KCNMA1: variants seen among roughly 807,000 people sequenced by gnomAD.
KCNMA1 encodes Calcium-activated potassium channel subunit alpha-1.
A neutral mutation model predicts 140.0 loss-of-function variants in KCNMA1; 29 were observed. The ratio of observed to expected loss-of-function variants is 0.21; its 90% CI spans 0.15 to 0.28. The LOEUF (loss-of-function observed/expected upper bound fraction) is 0.28. Among genes scored for constraint, KCNMA1 ranks in the 10% least tolerant of loss-of-function variants. The pLI is 1.00. For missense variants in KCNMA1, 880 were observed against 1,602.2 expected (o/e 0.55, Z 7.70); for synonymous variants, 612 against 611.9 (o/e 1.00, Z 0.00).
At chr10:76,931,766 T>C (rs1248791346) in intron 23 of KCNMA1, among the ~76,000 whole-genome samples, 2 of 152,118 alleles carry the variant, frequency 1.3e-5, no homozygotes, top group Non-Finnish European at 2.9e-5. Context: ...CCATGCTCAC[T>C]GTTCATCTGC....
intron 1 of KCNMA1, among the ~76,000 whole-genome samples, chr10:77,446,963 A>C (rs1329406001): frequency 6.6e-6 from 1 of 152,226 alleles, no homozygotes; most frequent in Non-Finnish European, 1.5e-5. Flanking sequence ...CTTCAGGGTC[A>C]GGTCAAACTC....
intron 20 of KCNMA1, among the ~76,000 whole-genome samples, chr10:76,961,058 A>T (rs1314832539): frequency 6.6e-6 from 1 of 151,838 alleles, no homozygotes; most frequent in Non-Finnish European, 1.5e-5. Flanking sequence ...TTATTACTTA[A>T]GAAATATATT....
intron 1 of KCNMA1, among the ~76,000 whole-genome samples, chr10:77,439,164 A>AAGAGAAAAGAGAAGAG (rs1566859432): frequency 3.4e-5 from 4 of 117,416 alleles, no homozygotes; most frequent in Non-Finnish European, 7.5e-5. Context: ...GAAGAGAAGA[A>AAGAGAAAAGAGAAGAG]AAGAAAAGAG....
intron 1 of KCNMA1, among the ~76,000 whole-genome samples, chr10:77,529,620 C>T (rs182523806): frequency 2.0e-5 from 3 of 152,200 alleles, no homozygotes; most frequent in Non-Finnish European, 4.4e-5. Flanking sequence ...AAACTACAGA[C>T]TATTATCTAG....
At chr10:77,469,043 G>A (rs2098095455) in intron 1 of KCNMA1, among the ~76,000 whole-genome samples, 1 of 152,142 alleles carries the variant, frequency 6.6e-6, no homozygotes, top group Non-Finnish European at 1.5e-5. Context: ...TTCGCCCCAA[G>A]CACCTTAAGG....
At chr10:77,002,173 G>A (rs1250144591) in intron 18 of KCNMA1, among the ~76,000 whole-genome samples, 1 of 152,200 alleles carries the variant, frequency 6.6e-6, no homozygotes, top group Non-Finnish European at 1.5e-5. Context: ...CTTCCCGAGA[G>A]TGAGTTTATA....
intron 10 of KCNMA1, among the ~76,000 whole-genome samples, chr10:77,089,964 C>T (rs1207438029): frequency 6.6e-6 from 1 of 152,190 alleles, no homozygotes; most frequent in Non-Finnish European, 1.5e-5. Flanking sequence ...CTATTACCTT[C>T]TGTCCTGCTT....
At chr10:77,519,452 T>C (rs182793221) in intron 1 of KCNMA1, among the ~76,000 whole-genome samples, 1 of 152,318 alleles carries the variant, frequency 6.6e-6, no homozygotes, top group Non-Finnish European at 1.5e-5. Context: ...ATAAAAGGCG[T>C]AGGACCCACG....
chr10:77,410,672 G>A lies in KCNMA1; in HGVS notation c.379-6649C>T, dbSNP rs2096598527. On this transcript the variant is annotated intron_variant, in intron 1 of 27. Transcript: ENST00000286628. ...TCTTCACACCCAATCAGCCCCACTC[G>A]TGCCTGTCATCCTGCGAGTCTGCCG... 2.6e-5 allele frequency among the ~76,000 whole-genome samples: 4 copies of A among 152,162 alleles called. No individual in the cohort carries two copies. The South Asian group carries it at 8.3e-4, about 32-fold the overall frequency.
intron 27 of KCNMA1, 72 bp downstream of exon 27, chr10:76,889,379 C>G: frequency 9.8e-7 from 1 of 1,022,674 alleles, no homozygotes. Context: ...TTTGCCTTTA[C>G]AGTAGGGGAC....
intron 3 of KCNMA1, among the ~76,000 whole-genome samples, chr10:77,216,235 G>A (rs962148388): frequency 7.2e-5 from 11 of 152,066 alleles, no homozygotes; most frequent in Admixed American, 2.0e-4. Context: ...GGTTTCTTTC[G>A]GGGGTGTTGA....
At chr10:77,501,806 A>T (rs1035387596) in intron 1 of KCNMA1, among the ~76,000 whole-genome samples, 1 of 152,218 alleles carries the variant, frequency 6.6e-6, no homozygotes, top group African/African-American at 2.4e-5. Flanking sequence ...TGGGCCACAG[A>T]ACAAATTCTC....
intron 2 of KCNMA1, among the ~76,000 whole-genome samples, chr10:77,333,550 T>A (rs1005252388): frequency 3.1e-4 from 47 of 152,228 alleles, no homozygotes; most frequent in African/African-American, 1.1e-3. Flanking sequence ...AAATAACATT[T>A]GTGCCTAAAT....
chr10:77,407,232 G>C (rs117307233), intron 1 of KCNMA1, among the ~76,000 whole-genome samples: 1 of 152,092 alleles, frequency 6.6e-6, no homozygotes. Context: ...GATGCCAGCC[G>C]GCCAGACTAG....
At chr10:77,366,962 G>C (rs1196032391) in intron 2 of KCNMA1, among the ~76,000 whole-genome samples, 2 of 152,204 alleles carry the variant, frequency 1.3e-5, no homozygotes, top group African/African-American at 4.8e-5. Flanking sequence ...TATTTGCCAT[G>C]ATGCTGGTCA....
intron 1 of KCNMA1, among the ~76,000 whole-genome samples, chr10:77,503,943 A>G (rs1203878988): frequency 6.6e-6 from 1 of 152,098 alleles, no homozygotes; most frequent in Non-Finnish European, 1.5e-5. Context: ...GCACTGAGGG[A>G]GGGAACATGT....
At position 77,420,847 on chromosome 10, in the gene KCNMA1, CT is replaced by C. The variant is rs377549979; in HGVS notation, c.379-16825del. 2.6e-3 allele frequency among the ~76,000 whole-genome samples: 403 copies of C among 152,328 alleles called. 1 individual carries two copies. The highest frequency in any genetic ancestry group is 8.4e-3 in the African/African-American group (350 of 41,564). On this transcript the variant is annotated intron_variant, in intron 1 of 27. Transcript: ENST00000286628. ...TTCTCTCCATCTCAGCTTCTCTCCCCTGGTTGACTCCTAAGCTTCATAATCA... is the reference window on the plus strand; with the variant it reads ...TTCTCTCCATCTCAGCTTCTCTCCCCGGTTGACTCCTAAGCTTCATAATCA...
At chr10:77,544,485 T>C (rs2060949922) in intron 1 of KCNMA1, among the ~76,000 whole-genome samples, 1 of 152,138 alleles carries the variant, frequency 6.6e-6, no homozygotes, top group African/African-American at 2.4e-5. Flanking sequence ...CTCACTATCC[T>C]CATATGCCCC....
At chr10:77,598,310 A>G (rs2081530061) in intron 1 of KCNMA1, among the ~76,000 whole-genome samples, 1 of 152,220 alleles carries the variant, frequency 6.6e-6, no homozygotes, top group African/African-American at 2.4e-5. Flanking sequence ...GTCAGCTCCA[A>G]GAGGGCAAGG....
Sources: gnomAD v4.1 joint callset for allele counts (sites outside exome capture counted in the v4.1 genomes callset) on GRCh38, gnomAD v4.1.1 for gene constraint, MANE v1.5 for transcripts, NCBI Gene and HGNC (gene_info 2026-07-23, HGNC 2026-07-21) for gene names.